IL37: variants seen among roughly 807,000 people sequenced by gnomAD.
IL37 encodes interleukin 37.
In IL37, 15 loss-of-function variants were observed where a neutral mutation model predicts 15.4. That is an observed-to-expected ratio of 0.98 (90% CI 0.65 to 1.50). The LOEUF is 1.50. IL37 is among the 40% of genes most tolerant of loss of function. The pLI, the probability that IL37 is intolerant of heterozygous loss-of-function variation, is 0.00. For missense variants in IL37, 269 were observed against 261.7 expected (o/e 1.03, Z -0.19); for synonymous variants, 98 against 97.4 (o/e 1.01, Z -0.03).
chr2:112,916,195 A>G (rs2708942), intron 3 of IL37, among the ~76,000 whole-genome samples: 14,746 of 152,246 alleles, frequency 0.097, 937 homozygotes, highest in African/African-American at 0.17. Flanking sequence ...AGCTTCACAT[A>G]GTGTGGTGGT....
intron 5 of IL37, among the ~76,000 whole-genome samples, 176 bp downstream of exon 5, chr2:112,917,953 C>G (rs1558803251): frequency 6.6e-6 from 1 of 152,340 alleles, no homozygotes; most frequent in East Asian, 1.9e-4. Context: ...GTTCCTTGCC[C>G]CTTCTAGGGA....
intron 5 of IL37, among the ~76,000 whole-genome samples, 191 bp from the exon 6 acceptor site, chr2:112,918,370 G>T (rs1279198295): frequency 6.6e-6 from 1 of 151,736 alleles, no homozygotes; most frequent in African/African-American, 2.4e-5. Context: ...AGAAGGCCTG[G>T]AAAAGAGGGC....
rs1221823732 is a variant in IL37 at position 112,912,999 on chromosome 2, A to T, written c.-14A>T. 7.0e-6 allele frequency: 11 copies of T among 1,568,994 alleles called. No homozygotes were observed. Among genetic ancestry groups the T allele is most frequent in the Non-Finnish European group, 8.6e-6 (10 of 1,160,468 alleles). ...CATTCCATTTTCTGTTGAGTAATAA[A>T]CTCAACGTTGAAAATGTCCTTTGTG... On this transcript the variant is annotated 5_prime_UTR_variant, in exon 2 of 6. Coordinates refer to ENST00000263326, the MANE Select transcript of IL37 (RefSeq NM_014439.4).
intron 3 of IL37, chr2:112,915,070 A>G (rs1683271128): frequency 1.3e-6 from 1 of 761,532 alleles, no homozygotes; most frequent in South Asian, 1.9e-5. Flanking sequence ...AACAACTGCC[A>G]GCACCTTAAG....
chr2:112,911,575 G>A (rs1285489473), intron 1 of IL37, among the ~76,000 whole-genome samples: 1 of 152,170 alleles, frequency 6.6e-6, no homozygotes, highest in African/African-American at 2.4e-5. Context: ...ATTGGTCCTT[G>A]GGAACAGATT....
At chr2:112,915,041 G>A in intron 3 of IL37, 1 of 602,366 alleles carries the variant, frequency 1.7e-6, no homozygotes, top group Non-Finnish European at 2.9e-6. Context: ...TGCTGTTGGA[G>A]TACAACTTCC....
intron 3 of IL37, among the ~76,000 whole-genome samples, chr2:112,914,784 C>G (rs1175582344): frequency 6.6e-6 from 1 of 152,214 alleles, no homozygotes; most frequent in Non-Finnish European, 1.5e-5. Context: ...TCCTTCAAAT[C>G]TGGCGGAAGT....
intron 3 of IL37, among the ~76,000 whole-genome samples, 171 bp downstream of exon 3, chr2:112,914,025 A>T (rs1448168932): frequency 6.6e-6 from 1 of 152,122 alleles, no homozygotes; most frequent in Non-Finnish European, 1.5e-5. Context: ...TTAGGAGATA[A>T]CTCTGGGAAA....
rs1469626774 is a variant in IL37, at chr2:112,913,868, G to A, written c.145+14G>A. On this transcript the variant is annotated intron_variant, in intron 3 of 5. Coordinates refer to ENST00000263326, the MANE Select transcript of IL37 (RefSeq NM_014439.4). The stretch of plus-strand genomic sequence containing the variant: ...TTGTTCACACAAGTAAGGCCTCGGG[G>A]TGAGGTGATGGGGGTGGCTGAGGTG... 6.2e-7 allele frequency: 1 copy of A among 1,610,154 alleles called. No homozygotes were observed.
At chr2:112,916,056 G>A (rs183443516) in intron 3 of IL37, among the ~76,000 whole-genome samples, 4 of 152,308 alleles carry the variant, frequency 2.6e-5, no homozygotes, top group Non-Finnish European at 5.9e-5. Flanking sequence ...CTTTGGGCAT[G>A]AGGAGACCAG....
At position 112,918,605 on chromosome 2, in the gene IL37, C is replaced by T. The variant is rs1246237773; in HGVS notation, c.453C>T (p.Arg151=). ...MKLAAQKESA[R]RPFIFYRAQV... Reference sequence around the variant, plus strand: ...TGGCTGCCCAAAAGGAATCAGCACGCCGGCCCTTCATCTTTTATAGGGCTC... The same window carrying T: ...TGGCTGCCCAAAAGGAATCAGCACGTCGGCCCTTCATCTTTTATAGGGCTC... Residue 151 remains arginine, a synonymous_variant, in exon 6 of 6, where the codon CGC becomes CGT. Coordinates refer to ENST00000263326, the MANE Select transcript of IL37 (RefSeq NM_014439.4). The T allele has an allele frequency of 6.2e-7, 1 of 1,613,294 alleles. No individual in the cohort carries two copies. The highest frequency in any genetic ancestry group is 8.5e-7 in the Non-Finnish European group (1 of 1,179,968).
In IL37 at chr2:112,914,932, A is replaced by G. The variant is rs2723176; in HGVS notation, c.145+1078A>G. ...AGGCTCTAGGGGCTGCTTTAACAAG[A>G]CTTCCAGGTTATCGTGACGCACCTT... On this transcript the variant is annotated intron_variant, in intron 3 of 5. Transcript: ENST00000263326. Among the ~76,000 whole-genome samples the G allele has an allele frequency of 5.3e-5, 8 of 152,228 alleles. No homozygotes were observed. The South Asian group carries it at 1.5e-3, about 28-fold the overall frequency.
chr2:112,917,554 A>G, intron 4 of IL37, 81 bp from the exon 5 acceptor site: 15 of 1,367,112 alleles, frequency 1.1e-5, no homozygotes, highest in Non-Finnish European at 1.2e-5. Context: ...GGGACTGTGC[A>G]TCAGGCCTGA....
chr2:112,918,253 C>A (rs1464546518), intron 5 of IL37, among the ~76,000 whole-genome samples: 2 of 152,002 alleles, frequency 1.3e-5, no homozygotes, highest in African/African-American at 4.8e-5. Flanking sequence ...CAGATCTAAG[C>A]CATATTCTCT....
chr2:112,915,568 G>A (rs1269832552), intron 3 of IL37, among the ~76,000 whole-genome samples: 2 of 152,224 alleles, frequency 1.3e-5, no homozygotes, highest in African/African-American at 2.4e-5. Flanking sequence ...GCACATTAAA[G>A]TGTGGGAAAT....
intron 5 of IL37, 58 bp downstream of exon 5, chr2:112,917,835 A>T (rs768156499): frequency 1.2e-5 from 18 of 1,561,734 alleles, no homozygotes; most frequent in Non-Finnish European, 1.6e-5. Context: ...AAAGGCCAAG[A>T]TCCTCAATGC....
At chr2:112,911,467 G>A (rs1269998903) in intron 1 of IL37, among the ~76,000 whole-genome samples, 1 of 152,192 alleles carries the variant, frequency 6.6e-6, no homozygotes, top group Non-Finnish European at 1.5e-5. Flanking sequence ...GGCATTGCTG[G>A]AGGGCCAGGC....
rs1224546521 is a variant in IL37 at position 112,917,210 on chromosome 2, A to C, written c.227A>C (p.Asn76Thr). The C allele has an allele frequency of 6.2e-7, 1 of 1,614,060 alleles. No homozygotes were observed. Among genetic ancestry groups the C allele is most frequent in the South Asian group, 1.1e-5 (1 of 91,064 alleles). ...AAAGTACTGGTCCTGGACTCTGGGA[A>C]TCTCATAGCAGTTCCAGATAAAAAC... ...DHKVLVLDSG[N>T]LIAVPDKNYI... The change falls in exon 4 of 6, where the codon AAT (asparagine) becomes ACT (threonine). Residue 76 changes from asparagine to threonine, a missense_variant. Asn to Thr is a moderately conservative substitution (Grantham distance 65). Coordinates refer to ENST00000263326, the MANE Select transcript of IL37 (RefSeq NM_014439.4).
intron 3 of IL37, 134 bp downstream of exon 3, chr2:112,913,988 G>T: frequency 2.8e-6 from 2 of 701,910 alleles, no homozygotes; most frequent in Non-Finnish European, 4.9e-6. Flanking sequence ...TGGGGCTGAA[G>T]TCTTTCCTTT....
Sources: allele counts gnomAD v4.1 joint callset (sites outside exome capture counted in the v4.1 genomes callset), GRCh38; gene constraint gnomAD v4.1.1; transcripts MANE v1.5; gene names NCBI Gene and HGNC (gene_info 2026-07-23, HGNC 2026-07-21).